Variants in CCDC146 observed in about 807,000 individuals in gnomAD.
CCDC146 encodes the protein coiled-coil domain-containing protein 146.
In CCDC146, 92 loss-of-function variants were observed where a neutral mutation model predicts 119.3. That is an observed-to-expected ratio of 0.77 (90% CI 0.65 to 0.92). CCDC146 has a LOEUF of 0.92. Among genes scored for constraint, CCDC146 ranks in the 40% least tolerant of loss-of-function variants. The pLI, the probability that CCDC146 is intolerant of heterozygous loss-of-function variation, is 0.00. For synonymous variants in CCDC146, 372 were observed against 371.8 expected (o/e 1.00, Z -0.01); for missense variants, 1,000 against 1,103.0 (o/e 0.91, Z 1.32).
In CCDC146 at chr7:77,263,876, G is replaced by A. The variant is rs1483885206; in HGVS notation, c.1173+1569G>A. 2.0e-5 allele frequency among the ~76,000 whole-genome samples: 3 copies of A among 152,052 alleles called. No individual in the cohort carries two copies. In the East Asian group the frequency reaches 5.8e-4, roughly 29 times the overall value. Reference sequence around the variant, plus strand: ...GAGGCGGAGGTTGCAGTGAGCTGAGGTTGTGCCACTGCACTCCAGCCTGGG... The same window carrying A: ...GAGGCGGAGGTTGCAGTGAGCTGAGATTGTGCCACTGCACTCCAGCCTGGG... On this transcript the variant is annotated intron_variant, in intron 9 of 18. Transcript: ENST00000285871.
chr7:77,169,865 G>A (rs1387998368), intron 2 of CCDC146, among the ~76,000 whole-genome samples: 1 of 152,108 alleles, frequency 6.6e-6, no homozygotes, highest in Non-Finnish European at 1.5e-5. Flanking sequence ...TGGAAACTAA[G>A]ATATTAATGC....
At chr7:77,248,622 ATAGT>A (rs1792999237) in intron 4 of CCDC146, among the ~76,000 whole-genome samples, 1 of 152,238 alleles carries the variant, frequency 6.6e-6, no homozygotes, top group Non-Finnish European at 1.5e-5. Context: ...TTGGCACTTA[ATAGT>A]TAGTCATTAA....
intron 2 of CCDC146, among the ~76,000 whole-genome samples, chr7:77,169,577 T>G (rs1257420641): frequency 6.6e-6 from 1 of 152,234 alleles, no homozygotes; most frequent in Non-Finnish European, 1.5e-5. Context: ...AAGGAAGAAC[T>G]TTCTCTTCTT....
chr7:77,150,063 C>A (rs1194303893), intron 1 of CCDC146, among the ~76,000 whole-genome samples: 1 of 151,322 alleles, frequency 6.6e-6, no homozygotes, highest in African/African-American at 2.4e-5. Context: ...GATTAAAGAT[C>A]TAACTATAAG....
At chr7:77,221,643 G>T (rs1160139366) in intron 2 of CCDC146, among the ~76,000 whole-genome samples, 1 of 152,144 alleles carries the variant, frequency 6.6e-6, no homozygotes, top group Non-Finnish European at 1.5e-5. Flanking sequence ...TACCGTGCAG[G>T]GTTCTTAGGA....
At chr7:77,130,684 C>T (rs1213258703) in intron 1 of CCDC146, among the ~76,000 whole-genome samples, 2 of 145,284 alleles carry the variant, frequency 1.4e-5, no homozygotes, top group South Asian at 4.4e-4. Flanking sequence ...CTGCAAGCTC[C>T]GCCTCCCAGG....
intron 14 of CCDC146, 167 bp from the exon 15 acceptor site, chr7:77,282,390 A>G (rs762231771): frequency 1.3e-4 from 74 of 591,466 alleles, no homozygotes; most frequent in Admixed American, 2.5e-4. Flanking sequence ...AGAGAATTCC[A>G]AAGTGTGGAT....
chr7:77,131,386 A>G (rs1284694256), intron 1 of CCDC146, among the ~76,000 whole-genome samples: 1 of 152,104 alleles, frequency 6.6e-6, no homozygotes, highest in Non-Finnish European at 1.5e-5. Context: ...CTCAGTAATA[A>G]AAAGTGACAA....
chr7:77,156,410 C>A (rs982330387), intron 1 of CCDC146, among the ~76,000 whole-genome samples: 2 of 151,254 alleles, frequency 1.3e-5, no homozygotes, highest in Non-Finnish European at 2.9e-5. Flanking sequence ...GGACTCTTTT[C>A]TTTTCAGGAT....
At chr7:77,170,196 A>C (rs1482369360) in intron 2 of CCDC146, among the ~76,000 whole-genome samples, 1 of 152,060 alleles carries the variant, frequency 6.6e-6, no homozygotes, top group Admixed American at 6.6e-5. Context: ...TGCTCAGTGT[A>C]TAGCTCCCAC....
chr7:77,203,726 G>A (rs1016178100), intron 2 of CCDC146, among the ~76,000 whole-genome samples: 1 of 152,194 alleles, frequency 6.6e-6, no homozygotes, highest in East Asian at 1.9e-4. Flanking sequence ...ATTCCTCATG[G>A]CGGTGTCAGA....
At chr7:77,235,767 GAATTC>G (rs1792722458) in intron 2 of CCDC146, among the ~76,000 whole-genome samples, 1 of 152,140 alleles carries the variant, frequency 6.6e-6, no homozygotes, top group East Asian at 1.9e-4. Flanking sequence ...GAAAGTGGAT[GAATTC>G]AATAAGCACT....
chr7:77,286,669 A>G, intron 15 of CCDC146, 129 bp from the exon 16 acceptor site: 1 of 827,386 alleles, frequency 1.2e-6, no homozygotes, highest in Non-Finnish European at 1.9e-6. Flanking sequence ...GGTGTTAAGA[A>G]AACAGAGTTC....
chr7:77,212,819 A>T (rs1397387759), intron 2 of CCDC146, among the ~76,000 whole-genome samples: 4 of 151,736 alleles, frequency 2.6e-5, no homozygotes, highest in African/African-American at 4.8e-5. Flanking sequence ...GTAATAGAAA[A>T]TTTTTTTTAA....
At chr7:77,183,982 A>G (rs1791626724) in intron 2 of CCDC146, among the ~76,000 whole-genome samples, 1 of 152,204 alleles carries the variant, frequency 6.6e-6, no homozygotes, top group South Asian at 2.1e-4. Flanking sequence ...CTTCTGGATT[A>G]CTGAATGTAT....
At chr7:77,234,131 G>A (rs1792688617) in intron 2 of CCDC146, among the ~76,000 whole-genome samples, 1 of 152,030 alleles carries the variant, frequency 6.6e-6, no homozygotes, top group African/African-American at 2.4e-5. Flanking sequence ...GCTAGTTACT[G>A]GGCTAGCCCC....
intron 2 of CCDC146, among the ~76,000 whole-genome samples, chr7:77,191,254 G>A (rs1289668022): frequency 3.9e-5 from 6 of 152,136 alleles, no homozygotes; most frequent in African/African-American, 1.4e-4. Flanking sequence ...TATCAACAGC[G>A]TTAAGTGAGG....
chr7:77,278,994 T>A lies in CCDC146; in HGVS notation c.1587T>A (p.Val529=), dbSNP rs199910406. Residue 529 remains valine (V), a synonymous_variant, in exon 13 of 19, where the codon GTT becomes GTA. Coordinates refer to ENST00000285871, the MANE Select transcript of CCDC146 (RefSeq NM_020879.3). ...DTIRNERNKF[V]NLLHKAHQKV... is the part of the protein sequence containing the mutation. ...TTCGAAATGAAAGAAACAAATTTGTTAACTTACTCCACAAAGCTCATCAGA... is the reference window on the plus strand; with the variant it reads ...TTCGAAATGAAAGAAACAAATTTGTAAACTTACTCCACAAAGCTCATCAGA... The A allele has an allele frequency of 9.5e-5, 153 of 1,612,166 alleles. No individual in the cohort carries two copies. The highest frequency in any genetic ancestry group is 1.6e-4 in the Middle Eastern group (1 of 6,074).
At chr7:77,123,808 C>T (rs1790658666) in intron 1 of CCDC146, among the ~76,000 whole-genome samples, 1 of 152,158 alleles carries the variant, frequency 6.6e-6, no homozygotes, top group South Asian at 2.1e-4. Context: ...GTTATCATTG[C>T]CTCTTTTCTG....
Sources: allele counts gnomAD v4.1 joint callset (sites outside exome capture counted in the v4.1 genomes callset), GRCh38; gene constraint gnomAD v4.1.1; transcripts MANE v1.5; gene names NCBI Gene and HGNC (gene_info 2026-07-23, HGNC 2026-07-21).